Variants in SMCHD1 observed in about 807,000 individuals in gnomAD.
SMCHD1 encodes the protein structural maintenance of chromosomes flexible hinge domain-containing protein 1.
A neutral mutation model predicts 254.7 loss-of-function variants in SMCHD1; 78 were observed. That is an observed-to-expected ratio of 0.31 (90% CI 0.26 to 0.37). SMCHD1 has a LOEUF of 0.37. SMCHD1 is among the 10% of genes least tolerant of loss of function. The pLI, the probability that SMCHD1 is intolerant of heterozygous loss-of-function variation, is 1.00. For synonymous variants in SMCHD1, 766 were observed against 794.9 expected (o/e 0.96, Z 0.61); for missense variants, 1,840 against 2,408.1 (o/e 0.76, Z 4.94).
chr18:2,747,597 G>T lies in SMCHD1; in HGVS notation c.3877G>T (p.Ala1293Ser). Reference sequence around the variant, plus strand: ...ACTTTGTGATCAGTGGGATAATCCAGCACCGGTACAACATGTTAAAATAAG... The same window carrying T: ...ACTTTGTGATCAGTGGGATAATCCATCACCGGTACAACATGTTAAAATAAG... ...VQLCDQWDNP[A>S]PVQHVKISLT... The change falls in exon 30 of 48, where the codon GCA (alanine) becomes TCA (serine). Residue 1293 changes from alanine to serine, a missense_variant. By Grantham distance (99) the Ala-to-Ser change is moderately conservative. This residue lies in a region of SMCHD1 where 881 missense variants were observed against 1,009.5 expected (regional missense o/e 0.87). Coordinates refer to ENST00000320876, the MANE Select transcript of SMCHD1 (RefSeq NM_015295.3). 7 of 1,609,692 alleles carry T rather than the reference G, an allele frequency of 4.3e-6. No individual in the cohort carries two copies. Among genetic ancestry groups the T allele is most frequent in the Non-Finnish European group, 5.9e-6 (7 of 1,177,286 alleles).
chr18:2,679,576 C>T (rs1202170191), intron 5 of SMCHD1, among the ~76,000 whole-genome samples: 2 of 146,402 alleles, frequency 1.4e-5, no homozygotes, highest in Non-Finnish European at 3.0e-5. Flanking sequence ...TTTATAGTTT[C>T]TGTTGACAAA....
intron 24 of SMCHD1, among the ~76,000 whole-genome samples, chr18:2,731,535 A>G (rs1234461579): frequency 2.6e-5 from 4 of 152,206 alleles, no homozygotes; most frequent in Admixed American, 2.6e-4. Context: ...GAATTGAAAA[A>G]ATACTGAAAG....
At chr18:2,780,923 G>A (rs971237568) in intron 44 of SMCHD1, among the ~76,000 whole-genome samples, 18 of 152,238 alleles carry the variant, frequency 1.2e-4, no homozygotes, top group African/African-American at 4.1e-4. Flanking sequence ...TAGCTAAAAT[G>A]CTATTTCAGA....
At chr18:2,729,196 T>G (rs2075087177) in intron 23 of SMCHD1, 79 bp from the exon 24 acceptor site, 3 of 1,181,740 alleles carry the variant, frequency 2.5e-6, no homozygotes, top group African/African-American at 1.6e-5. Flanking sequence ...TCTACTGAAT[T>G]ATTTGAAACT....
intron 34 of SMCHD1, among the ~76,000 whole-genome samples, chr18:2,755,573 T>TTC (rs1568317691): frequency 5.9e-5 from 6 of 100,982 alleles, no homozygotes; most frequent in Admixed American, 2.2e-4. Flanking sequence ...TTCTTTTTTT[T>TTC]TTTTTTTTTT....
intron 5 of SMCHD1, among the ~76,000 whole-genome samples, chr18:2,679,489 A>AAAAAAAAAAAG (rs2073874221): frequency 6.7e-6 from 1 of 149,568 alleles, no homozygotes. Flanking sequence ...CCAAAAAAAA[A>AAAAAAAAAAAG]AAAAAAAAAA....
chr18:2,682,935 GAAAT>G (rs1273626628), intron 5 of SMCHD1, among the ~76,000 whole-genome samples: 2 of 152,148 alleles, frequency 1.3e-5, no homozygotes, highest in Non-Finnish European at 2.9e-5. Flanking sequence ...AGACTGTCTT[GAAAT>G]AAATATTCTC....
intron 45 of SMCHD1, among the ~76,000 whole-genome samples, chr18:2,788,021 A>G (rs1240902920): frequency 6.6e-6 from 1 of 152,126 alleles, no homozygotes; most frequent in Non-Finnish European, 1.5e-5. Flanking sequence ...AGGAGAGAGA[A>G]ATGCCCACCA....
rs756306583 is a variant in SMCHD1, at chr18:2,656,054, G to A, written c.-22G>A. ...GAGCCCGGCGGCGGCAGGCGTCGCT[G>A]TCTTTTCTCCTTTTCCCCAATATGG... On this transcript the variant is annotated 5_prime_UTR_variant, in exon 1 of 48. Transcript: ENST00000320876. 2 of 1,340,492 alleles carry A rather than the reference G, an allele frequency of 1.5e-6. No homozygotes were observed. Among genetic ancestry groups the A allele is most frequent in the South Asian group, 4.2e-5 (2 of 47,970 alleles). The allele number at this position is 1,340,492 out of a possible 1,614,324, so 83.0% of individuals were successfully genotyped here.
At chr18:2,728,753 TTA>T in intron 23 of SMCHD1, 157 bp downstream of exon 23, 4 of 662,194 alleles carry the variant, frequency 6.0e-6, no homozygotes, top group Non-Finnish European at 9.3e-6. Flanking sequence ...TTTTTTTTTT[TTA>T]ATCGTACCTA....
chr18:2,750,408 A>G lies in SMCHD1; in HGVS notation c.4066A>G (p.Ile1356Val). ...TAACAAAAGTATCATAGAAGGACCT[A>G]TAATTAAGTTAATGATTCTTCCAGA... ...IYNKSIIEGPIIKLMILPDPE... is the reference protein window; with the variant it reads ...IYNKSIIEGPVIKLMILPDPE... The change falls in exon 32 of 48, where the codon ATA (isoleucine) becomes GTA (valine). Residue 1356 changes from isoleucine (I) to valine (V), a missense_variant. Ile to Val is a conservative substitution (Grantham distance 29). This residue lies in a region of SMCHD1 where 881 missense variants were observed against 1,009.5 expected (regional missense o/e 0.87). Transcript: ENST00000320876. The G allele has an allele frequency of 1.2e-6, 2 of 1,612,630 alleles. No homozygotes were observed. Among genetic ancestry groups the G allele is most frequent in the East Asian group, 2.2e-5 (1 of 44,810 alleles).
intron 28 of SMCHD1, among the ~76,000 whole-genome samples, chr18:2,743,145 T>G (rs1445699464): frequency 6.6e-6 from 1 of 152,208 alleles, no homozygotes; most frequent in Non-Finnish European, 1.5e-5. Flanking sequence ...TCAGTCATAT[T>G]GCAAAGATTA....
rs559871443 is a variant in SMCHD1, at chr18:2,733,143, T to C, written c.3276+651T>C. On this transcript the variant is annotated intron_variant, in intron 25 of 47. Transcript: ENST00000320876. ...TTCCTTTGATGGTTGACTGAAAGAA[T>C]AGTGGACAGTCTATGCTTGCTTCTT... Among the ~76,000 whole-genome samples the C allele has an allele frequency of 2.0e-5, 3 of 152,332 alleles. No individual in the cohort carries two copies. In the South Asian group the frequency reaches 6.2e-4, roughly 32 times the overall value.
intron 32 of SMCHD1, 81 bp downstream of exon 32, chr18:2,750,588 T>A: frequency 1.6e-6 from 2 of 1,221,056 alleles, no homozygotes; most frequent in Non-Finnish European, 2.3e-6. Context: ...TATCCTAGGT[T>A]AAGTGTGCTC....
At chr18:2,689,094 A>C (rs1188967493) in intron 7 of SMCHD1, among the ~76,000 whole-genome samples, 1 of 152,176 alleles carries the variant, frequency 6.6e-6, no homozygotes. Flanking sequence ...TGCTCTTACA[A>C]GTTTGCATTG....
chr18:2,761,240 A>G (rs9953835), intron 35 of SMCHD1, among the ~76,000 whole-genome samples: 30,883 of 152,092 alleles, frequency 0.2, 3,375 homozygotes, highest in South Asian at 0.33. Context: ...AGATGGGAAC[A>G]GTAAACGCTG....
At chr18:2,730,211 C>A (rs1057358575) in intron 24 of SMCHD1, among the ~76,000 whole-genome samples, 1 of 151,750 alleles carries the variant, frequency 6.6e-6, no homozygotes, top group African/African-American at 2.4e-5. Context: ...TGCTCTGTTG[C>A]CCAGGCTGGA....
chr18:2,786,691 T>TA (rs978227358), intron 45 of SMCHD1, among the ~76,000 whole-genome samples: 1 of 151,748 alleles, frequency 6.6e-6, no homozygotes, highest in Non-Finnish European at 1.5e-5. Context: ...AAACTCCATA[T>TA]AAAAAAAAGA....
intron 40 of SMCHD1, 42 bp downstream of exon 40, chr18:2,771,660 CTA>C (rs1491023475): frequency 1.4e-6 from 2 of 1,396,096 alleles, no homozygotes; most frequent in Middle Eastern, 1.9e-4. Flanking sequence ...TTATTAAAGT[CTA>C]TTCTACAATT....
Sources: allele counts gnomAD v4.1 joint callset (sites outside exome capture counted in the v4.1 genomes callset), GRCh38; gene constraint gnomAD v4.1.1; regional missense constraint gnomAD v4.1.1; transcripts MANE v1.5; gene names NCBI Gene and HGNC (gene_info 2026-07-23, HGNC 2026-07-21).